UNC5D: variants seen among roughly 807,000 people sequenced by gnomAD.
The protein encoded by UNC5D is netrin receptor UNC5D.
In UNC5D, 39 loss-of-function variants were observed where a neutral mutation model predicts 105.4. The ratio of observed to expected loss-of-function variants is 0.37; its 90% CI spans 0.29 to 0.48. UNC5D has a LOEUF of 0.48. Ranked by LOEUF, UNC5D falls within the 20% of genes least tolerant of loss-of-function variation. The probability of loss-of-function intolerance (pLI) is 0.98; values close to 1 mark genes in which losing one functional copy is unlikely to be tolerated. For missense variants in UNC5D, 991 were observed against 1,202.4 expected, an observed-to-expected ratio of 0.82 and a Z score of 2.60; for synonymous variants, 452 against 450.4, an observed-to-expected ratio of 1.00 and a Z score of -0.04.
chr8:35,494,407 G>A (rs937380740), intron 1 of UNC5D, among the ~76,000 whole-genome samples: 4 of 151,990 alleles, frequency 2.6e-5, no homozygotes, highest in Admixed American at 6.6e-5. Flanking sequence ...ATAGAGGTAC[G>A]ATATAATAGC....
intron 15 of UNC5D, among the ~76,000 whole-genome samples, chr8:35,771,669 C>T (rs532886362): frequency 1.1e-4 from 16 of 152,326 alleles, no homozygotes; most frequent in Admixed American, 2.0e-4. Flanking sequence ...AATTTCTACT[C>T]GGTCAATGCC....
intron 1 of UNC5D, among the ~76,000 whole-genome samples, chr8:35,250,033 T>A (rs1022570500): frequency 6.6e-6 from 1 of 152,162 alleles, no homozygotes; most frequent in Non-Finnish European, 1.5e-5. Context: ...TTACTTTTTT[T>A]TGTTTTTTTA....
At chr8:35,244,335 C>T (rs1474651836) in intron 1 of UNC5D, among the ~76,000 whole-genome samples, 1 of 152,160 alleles carries the variant, frequency 6.6e-6, no homozygotes, top group Non-Finnish European at 1.5e-5. Context: ...ATTGATTATA[C>T]TGAGGTGGGA....
intron 1 of UNC5D, among the ~76,000 whole-genome samples, chr8:35,315,894 G>C (rs1809265175): frequency 6.6e-6 from 1 of 152,128 alleles, no homozygotes; most frequent in Admixed American, 6.5e-5. Flanking sequence ...AATAGATACA[G>C]ACCATGAACA....
chr8:35,250,617 C>G (rs182425535), intron 1 of UNC5D, among the ~76,000 whole-genome samples: 3 of 152,162 alleles, frequency 2.0e-5, no homozygotes, highest in Non-Finnish European at 2.9e-5. Context: ...GCCTCAGCCT[C>G]CCGAGTAGCT....
chr8:35,610,107 T>C, intron 4 of UNC5D, among the ~76,000 whole-genome samples: 1 of 151,998 alleles, frequency 6.6e-6, no homozygotes, highest in African/African-American at 2.4e-5. Flanking sequence ...TTATCTTCTG[T>C]TATCTCAATT....
intron 1 of UNC5D, among the ~76,000 whole-genome samples, chr8:35,346,845 T>C (rs1157807719): frequency 6.6e-6 from 1 of 151,902 alleles, no homozygotes; most frequent in Non-Finnish European, 1.5e-5. Context: ...AATATATACA[T>C]CTTTTTTTTC....
At chr8:35,261,754 A>G (rs958436238) in intron 1 of UNC5D, among the ~76,000 whole-genome samples, 3 of 152,192 alleles carry the variant, frequency 2.0e-5, no homozygotes, top group Admixed American at 2.0e-4. Flanking sequence ...GATGAGAACA[A>G]TCTTAAGTGC....
chr8:35,387,374 A>AAAAGAG (rs1245280726), intron 1 of UNC5D, among the ~76,000 whole-genome samples: 1 of 149,390 alleles, frequency 6.7e-6, no homozygotes, highest in Non-Finnish European at 1.5e-5. Context: ...AAAAAAAAAA[A>AAAAGAG]AGAGAAACGC....
In UNC5D at chr8:35,497,038, A is replaced by C. The variant is rs887045537; in HGVS notation, c.104-52254A>C. 2.0e-5 allele frequency among the ~76,000 whole-genome samples: 3 copies of C among 152,220 alleles called. 1 individual carries two copies. The highest frequency in any genetic ancestry group is 4.4e-5 in the Non-Finnish European group (3 of 68,036). On this transcript the variant is annotated intron_variant, in intron 1 of 16. Coordinates refer to ENST00000404895, the MANE Select transcript of UNC5D (RefSeq NM_080872.4). The stretch of plus-strand genomic sequence containing the variant: ...TACATATTTATTTAATATACCTTTT[A>C]TATGACCCAGAAGCCCTCATAGGGA...
chr8:35,497,672 G>A (rs939849865), intron 1 of UNC5D, among the ~76,000 whole-genome samples: 4 of 151,736 alleles, frequency 2.6e-5, no homozygotes, highest in African/African-American at 9.7e-5. Context: ...AAAGACGGGG[G>A]AATAATTATG....
At chr8:35,284,909 A>G (rs774628247) in intron 1 of UNC5D, among the ~76,000 whole-genome samples, 2 of 152,134 alleles carry the variant, frequency 1.3e-5, no homozygotes, top group African/African-American at 2.4e-5. Flanking sequence ...TCTGAGCTCT[A>G]TAACATATAG....
chr8:35,553,037 C>T (rs747448739), intron 2 of UNC5D, among the ~76,000 whole-genome samples: 5 of 152,138 alleles, frequency 3.3e-5, no homozygotes, highest in Admixed American at 1.3e-4. Flanking sequence ...CTAGATTTTG[C>T]CCACCAATGA....
At chr8:35,287,586 G>C (rs1257499112) in intron 1 of UNC5D, among the ~76,000 whole-genome samples, 1 of 151,506 alleles carries the variant, frequency 6.6e-6, no homozygotes, top group Non-Finnish European at 1.5e-5. Flanking sequence ...TTGAGTCCAG[G>C]AGTTCAAGAC....
chr8:35,678,235 A>G (rs1372671221), intron 4 of UNC5D, among the ~76,000 whole-genome samples: 2 of 152,120 alleles, frequency 1.3e-5, no homozygotes, highest in Admixed American at 6.5e-5. Flanking sequence ...TGTGCAGTGG[A>G]CCTGGCATGA....
chr8:35,542,607 A>G (rs1474748788), intron 1 of UNC5D, among the ~76,000 whole-genome samples: 1 of 152,238 alleles, frequency 6.6e-6, no homozygotes, highest in African/African-American at 2.4e-5. Flanking sequence ...CCTGCTTTGC[A>G]AGATAGCTAT....
chr8:35,762,329 T>G (rs1801574059), intron 14 of UNC5D, among the ~76,000 whole-genome samples: 1 of 152,154 alleles, frequency 6.6e-6, no homozygotes, highest in Non-Finnish European at 1.5e-5. Context: ...ATCAACTAGA[T>G]CTTAAATCTT....
chr8:35,590,778 A>G (rs1006772085), intron 3 of UNC5D, among the ~76,000 whole-genome samples: 2 of 152,186 alleles, frequency 1.3e-5, no homozygotes, highest in African/African-American at 4.8e-5. Context: ...TTACTGAGTC[A>G]AGGTACGAGT....
chr8:35,441,821 A>G (rs1807421225), intron 1 of UNC5D, among the ~76,000 whole-genome samples: 1 of 151,618 alleles, frequency 6.6e-6, no homozygotes, highest in Admixed American at 6.6e-5. Context: ...CATATGCAAT[A>G]GAATCCATCG....
Sources: allele counts gnomAD v4.1 joint callset (sites outside exome capture counted in the v4.1 genomes callset), GRCh38; gene constraint gnomAD v4.1.1; transcripts MANE v1.5; gene names NCBI Gene and HGNC (gene_info 2026-07-23, HGNC 2026-07-21).